Variants in FBXL17 observed in about 807,000 individuals in gnomAD.
The protein encoded by FBXL17 is F-box and leucine rich repeat protein 17, also known as F-box/LRR-repeat protein 17.
FBXL17 carries 22 observed loss-of-function variants against 66.2 expected under a neutral mutation model. The observed-to-expected ratio is 0.33, with a 90% CI of 0.24 to 0.47. The LOEUF (loss-of-function observed/expected upper bound fraction) is 0.47. Ranked by LOEUF, FBXL17 falls within the 20% of genes least tolerant of loss-of-function variation. The probability of loss-of-function intolerance (pLI) is 1.00; values close to 1 mark genes in which losing one functional copy is unlikely to be tolerated. For synonymous variants in FBXL17, 474 were observed against 400.5 expected (o/e 1.18, Z -2.19); for missense variants, 878 against 948.2 (o/e 0.93, Z 0.97).
chr5:108,274,707 A>G (rs1422518166), intron 4 of FBXL17, among the ~76,000 whole-genome samples: 1 of 152,216 alleles, frequency 6.6e-6, no homozygotes, highest in Non-Finnish European at 1.5e-5. Context: ...TAGTAAAGAC[A>G]GGCATAAGTA....
intron 7 of FBXL17, chr5:108,020,702 A>ATG: frequency 2.5e-6 from 1 of 405,878 alleles, no homozygotes; most frequent in Non-Finnish European, 4.5e-6. Flanking sequence ...ACATGTGTGC[A>ATG]TGTGTGTGTG....
At chr5:108,128,279 G>A (rs1242430074) in intron 6 of FBXL17, among the ~76,000 whole-genome samples, 2 of 151,218 alleles carry the variant, frequency 1.3e-5, no homozygotes, top group East Asian at 1.9e-4. Context: ...CTTTAATCCT[G>A]AATTTATCAG....
Position 108,088,700 on chromosome 5 carries a change from C to CAAAAAAAAAAAAAAAA in FBXL17, c.1746-67715_1746-67700dup, listed in dbSNP as rs57707936. ...TGGCCGACAGAGCGAGACTCTATCTCAAAAAAAAAAAAAAAAAAAAAAAAA... is the reference window on the plus strand; with the variant it reads ...TGGCCGACAGAGCGAGACTCTATCTCAAAAAAAAAAAAAAAAAAAAAAAAAAAAAAAAAAAAAAAAA... On this transcript the variant is annotated intron_variant, in intron 6 of 8. Coordinates refer to ENST00000542267, the MANE Select transcript of FBXL17 (RefSeq NM_001163315.3). 2.2e-4 allele frequency among the ~76,000 whole-genome samples: 11 copies of CAAAAAAAAAAAAAAAA among 49,346 alleles called. 2 individuals carry two copies. The highest frequency in any genetic ancestry group is 8.7e-4 in the African/African-American group (10 of 11,556). The allele number at this position is 49,346 out of a possible 152,430, so 32.4% of individuals were successfully genotyped here. A position where few individuals can be genotyped will look rare whatever the true frequency, so the allele number is the denominator to read the frequency against.
intron 5 of FBXL17, among the ~76,000 whole-genome samples, chr5:108,192,874 T>A (rs560367901): frequency 4.2e-4 from 64 of 152,158 alleles, no homozygotes; most frequent in African/African-American, 1.4e-3. Flanking sequence ...AAGTTAAAAA[T>A]GAAACAAAAC....
At chr5:108,373,178 A>G (rs996761966) in intron 1 of FBXL17, among the ~76,000 whole-genome samples, 6 of 145,310 alleles carry the variant, frequency 4.1e-5, no homozygotes, top group African/African-American at 1.5e-4. Flanking sequence ...TCATATATAC[A>G]TATTCTCACA....
intron 6 of FBXL17, among the ~76,000 whole-genome samples, chr5:108,073,823 T>C (rs1181754819): frequency 2.0e-5 from 3 of 152,038 alleles, no homozygotes; most frequent in Non-Finnish European, 4.4e-5. Flanking sequence ...TGGCTCCCTT[T>C]CCACCTTCTG....
chr5:107,909,331 C>T (rs1437422406), intron 7 of FBXL17, among the ~76,000 whole-genome samples: 1 of 152,144 alleles, frequency 6.6e-6, no homozygotes, highest in Non-Finnish European at 1.5e-5. Flanking sequence ...ATAATGATAC[C>T]TACTGTATGT....
chr5:108,181,541 A>G (rs1016182269), intron 6 of FBXL17, among the ~76,000 whole-genome samples: 1 of 152,198 alleles, frequency 6.6e-6, no homozygotes, highest in African/African-American at 2.4e-5. Context: ...ATAACAGTAA[A>G]GTCTTTCAAT....
chr5:108,292,111 A>G (rs1347741217), intron 4 of FBXL17, among the ~76,000 whole-genome samples: 3 of 151,468 alleles, frequency 2.0e-5, no homozygotes, highest in South Asian at 4.2e-4. Context: ...AATTGTTAAC[A>G]TAGCAACGAA....
At chr5:108,314,766 C>T (rs1297252807) in intron 4 of FBXL17, among the ~76,000 whole-genome samples, 1 of 151,356 alleles carries the variant, frequency 6.6e-6, no homozygotes, top group Non-Finnish European at 1.5e-5. Flanking sequence ...AAGATTTATA[C>T]TACTACTATC....
intron 6 of FBXL17, among the ~76,000 whole-genome samples, chr5:108,081,868 CCG>C (rs1386293816): frequency 1.3e-5 from 2 of 151,648 alleles, no homozygotes. Flanking sequence ...AGCTTCCCTC[CCG>C]CTTCTACTCT....
At chr5:108,154,185 G>C (rs947470152) in intron 6 of FBXL17, among the ~76,000 whole-genome samples, 1 of 148,578 alleles carries the variant, frequency 6.7e-6, no homozygotes, top group African/African-American at 2.5e-5. Flanking sequence ...CAAAATGGGA[G>C]AATGAGAGAG....
At position 108,327,134 on chromosome 5, in the gene FBXL17, T is replaced by C. The variant is rs559824342; in HGVS notation, c.1506+21265A>G. The stretch of plus-strand genomic sequence containing the variant: ...TTTATGTCCTTACAATGGAATGCTA[T>C]TCAGCAATAAAAAAGCAATAAACTA... On this transcript the variant is annotated intron_variant, in intron 4 of 8. Coordinates refer to ENST00000542267, the MANE Select transcript of FBXL17 (RefSeq NM_001163315.3). 2.6e-5 allele frequency among the ~76,000 whole-genome samples: 4 copies of C among 152,236 alleles called. No individual in the cohort carries two copies. In the South Asian group the frequency reaches 6.2e-4, roughly 24 times the overall value.
At chr5:108,290,312 T>C (rs1006479498) in intron 4 of FBXL17, among the ~76,000 whole-genome samples, 1 of 152,178 alleles carries the variant, frequency 6.6e-6, no homozygotes, top group Admixed American at 6.6e-5. Flanking sequence ...TTGGCTGGCA[T>C]GTCATTGTAC....
At chr5:108,152,867 T>C (rs1751824572) in intron 6 of FBXL17, among the ~76,000 whole-genome samples, 1 of 152,212 alleles carries the variant, frequency 6.6e-6, no homozygotes, top group African/African-American at 2.4e-5. Context: ...GGGCATCTTA[T>C]ATGGTTTGGC....
chr5:108,221,488 A>G (rs1022383048), intron 5 of FBXL17, among the ~76,000 whole-genome samples: 8 of 152,206 alleles, frequency 5.3e-5, no homozygotes, highest in African/African-American at 1.9e-4. Flanking sequence ...CAAAGACAGG[A>G]AACTAAGGTA....
chr5:108,039,462 C>A (rs1275081400), intron 6 of FBXL17, among the ~76,000 whole-genome samples: 2 of 151,910 alleles, frequency 1.3e-5, no homozygotes, highest in African/African-American at 4.8e-5. Context: ...TTATATTCTG[C>A]CTACTTAACA....
intron 8 of FBXL17, among the ~76,000 whole-genome samples, chr5:107,864,015 T>A (rs1748206408): frequency 6.6e-6 from 1 of 152,272 alleles, no homozygotes; most frequent in African/African-American, 2.4e-5. Flanking sequence ...TTGCCTTTTA[T>A]CTTTGGGCTG....
intron 7 of FBXL17, among the ~76,000 whole-genome samples, chr5:108,016,805 G>A (rs1211476375): frequency 6.7e-6 from 1 of 149,296 alleles, no homozygotes; most frequent in Non-Finnish European, 1.5e-5. Context: ...TTGAGACAGA[G>A]TTTCGCTTTT....
Sources: allele counts gnomAD v4.1 joint callset (sites outside exome capture counted in the v4.1 genomes callset), GRCh38; gene constraint gnomAD v4.1.1; transcripts MANE v1.5; gene names NCBI Gene and HGNC (gene_info 2026-07-23, HGNC 2026-07-21).